Variants in MAPK12 observed in about 807,000 individuals in gnomAD.
The protein encoded by MAPK12 is mitogen-activated protein kinase 12.
MAPK12 carries 49 observed loss-of-function variants against 49.1 expected under a neutral mutation model. The ratio of observed to expected loss-of-function variants is 1.00; its 90% CI spans 0.79 to 1.27. The LOEUF (loss-of-function observed/expected upper bound fraction) is 1.27. MAPK12 is among the 50% of genes most tolerant of loss of function. The pLI is 0.00. For missense variants in MAPK12, 554 were observed against 502.4 expected (o/e 1.10, Z -0.98); for synonymous variants, 251 against 209.7 (o/e 1.20, Z -1.70).
chr22:50,261,080 A>C, intron 2 of MAPK12, 87 bp downstream of exon 2: 2 of 1,350,546 alleles, frequency 1.5e-6, no homozygotes, highest in Non-Finnish European at 1.9e-6. Flanking sequence ...GGCTGCCTGG[A>C]GGAGGGGTTG....
intron 2 of MAPK12, 42 bp from the exon 3 acceptor site, chr22:50,258,343 G>A (rs767159268): frequency 1.5e-5 from 23 of 1,560,238 alleles, no homozygotes; most frequent in Admixed American, 6.7e-5. Flanking sequence ...CAGAGGACAC[G>A]GGCTGGGGCA....
At chr22:50,261,046 C>G in intron 2 of MAPK12, 121 bp downstream of exon 2, 1 of 1,192,688 alleles carries the variant, frequency 8.4e-7, no homozygotes, top group Non-Finnish European at 1.1e-6. Context: ...ACCCACGGCC[C>G]GACCCCCGCC....
Position 50,256,663 on chromosome 22 carries a change from G to A in MAPK12, c.457-17C>T, listed in dbSNP as rs1350602364. On this transcript the variant is annotated splice_polypyrimidine_tract_variant and intron_variant, in intron 5 of 11. Coordinates refer to ENST00000215659, the MANE Select transcript of MAPK12 (RefSeq NM_002969.6). Reference sequence around the variant, plus strand: ...CTTCAGGTCCTGGGGGCAGAGGAAAGGTGGCCACTGTGCCCCACCCTCCCA... The same window carrying A: ...CTTCAGGTCCTGGGGGCAGAGGAAAAGTGGCCACTGTGCCCCACCCTCCCA... 6.2e-7 allele frequency: 1 copy of A among 1,604,680 alleles called. No homozygotes were observed. Among genetic ancestry groups the A allele is most frequent in the Non-Finnish European group, 8.5e-7 (1 of 1,176,004 alleles).
At position 50,256,277 on chromosome 22, in the gene MAPK12, G is replaced by A. The variant is rs534825992; in HGVS notation, c.505-78C>T. 70 of 1,134,900 alleles carry A rather than the reference G, an allele frequency of 6.2e-5. No individual in the cohort carries two copies. In the East Asian group the frequency reaches 9.5e-4, roughly 15 times the overall value. The allele number at this position is 1,134,900 out of a possible 1,614,324, so 70.3% of individuals were successfully genotyped here. A position where few individuals can be genotyped will look rare whatever the true frequency, so the allele number is the denominator to read the frequency against. On this transcript the variant is annotated intron_variant, in intron 6 of 11. Transcript: ENST00000215659. ...GGCCACCCACGGTCCAGGAGACCCCGGGGGGTTGGACTTGAAGCTCCCAAG... is the reference window on the plus strand; with the variant it reads ...GGCCACCCACGGTCCAGGAGACCCCAGGGGGTTGGACTTGAAGCTCCCAAG...
At chr22:50,253,502 G>GGGGGGGGGGGGGGGGGA in intron 11 of MAPK12, 22 bp from the exon 12 acceptor site, 3 of 171,686 alleles carry the variant, frequency 1.7e-5, no homozygotes, top group Non-Finnish European at 2.3e-5. Context: ...GGGGGGGCGG[G>GGGGGGGGGGGGGGGGGA]CACAACAGAG....
intron 2 of MAPK12, 124 bp downstream of exon 2, chr22:50,261,043 G>A (rs1427413224): frequency 1.7e-6 from 2 of 1,171,810 alleles, no homozygotes; most frequent in Non-Finnish European, 2.2e-6. Flanking sequence ...GGGACCCACG[G>A]CCCGACCCCC....
chr22:50,253,502 G>GGGGGGGGGGGCGC, intron 11 of MAPK12, 22 bp from the exon 12 acceptor site: 1 of 171,686 alleles, frequency 5.8e-6, no homozygotes, highest in Non-Finnish European at 1.1e-5. Flanking sequence ...GGGGGGGCGG[G>GGGGGGGGGGGCGC]CACAACAGAG....
chr22:50,261,113 G>A (rs867299338), intron 2 of MAPK12, 54 bp downstream of exon 2: 3 of 1,496,874 alleles, frequency 2.0e-6, no homozygotes, highest in African/African-American at 2.9e-5. Flanking sequence ...ACCCAGCCCA[G>A]CTGAACCAAG....
rs1406866295 is a variant in MAPK12 at position 50,261,427 on chromosome 22, C to G, written c.83G>C (p.Arg28Pro). 2.4e-6 allele frequency: 3 copies of G among 1,262,192 alleles called. No individual in the cohort carries two copies. Among genetic ancestry groups the G allele is most frequent in the Admixed American group, 2.6e-5 (1 of 37,998 alleles). 78.2% of individuals were successfully genotyped at this position (1,262,192 alleles called of 1,614,324 possible). The change falls in exon 1 of 12, where the codon CGG becomes CCG. Residue 28 changes from arginine (R) to proline (P), a missense_variant. Arg to Pro is a moderately radical substitution (Grantham distance 103, BLOSUM62 -2). Coordinates refer to ENST00000215659, the MANE Select transcript of MAPK12 (RefSeq NM_002969.6). ...KTAWEVRAVY[R>P]DLQPVGSGAY... ...GCCCGAGCCCACGGGCTGCAGGTCC[C>G]GGTACACGGCGCGCACCTCCCAGGC...
chr22:50,260,927 C>CTGAGT (rs2065205721), intron 2 of MAPK12: 14 of 392,778 alleles, frequency 3.6e-5, no homozygotes, highest in Non-Finnish European at 6.4e-5. Flanking sequence ...GGCTGAGGCG[C>CTGAGT]CGAGTCAAGG....
intron 2 of MAPK12, 133 bp downstream of exon 2, chr22:50,261,034 G>A: frequency 9.4e-7 from 1 of 1,064,206 alleles, no homozygotes; most frequent in Non-Finnish European, 1.3e-6. Flanking sequence ...TCTCCCCTGG[G>A]GACCCACGGC....
chr22:50,253,571 C>A, intron 11 of MAPK12, 91 bp from the exon 12 acceptor site: 1 of 708,810 alleles, frequency 1.4e-6, no homozygotes, highest in Non-Finnish European at 2.6e-6. Context: ...CCTGGCGGTG[C>A]CTCGTGGGGC....
chr22:50,254,776 G>A (rs1466608220), intron 11 of MAPK12: 11 of 1,124,796 alleles, frequency 9.8e-6, no homozygotes, highest in South Asian at 2.2e-5. Flanking sequence ...TGGACATGGC[G>A]GAAGGGCAGC....
At position 50,261,579 on chromosome 22, in the gene MAPK12, C is replaced by G; in HGVS notation, c.-70G>C. On this transcript the variant is annotated 5_prime_UTR_variant, in exon 1 of 12. Transcript: ENST00000215659. ...CCCCCACGACCGGGGACGGGGCTCC[C>G]TCGGCGCGCGCCTCGGGCCGGCTCC... 10 of 1,021,794 alleles carry G rather than the reference C, an allele frequency of 9.8e-6. No individual in the cohort carries two copies. Among genetic ancestry groups the G allele is most frequent in the Non-Finnish European group, 1.2e-5 (10 of 855,472 alleles). The allele number at this position is 1,021,794 out of a possible 1,614,324, so 63.3% of individuals were successfully genotyped here.
chr22:50,253,502 G>GGGAGGA, intron 11 of MAPK12, 22 bp from the exon 12 acceptor site: 3 of 171,686 alleles, frequency 1.7e-5, no homozygotes, highest in East Asian at 1.5e-4. Context: ...GGGGGGGCGG[G>GGGAGGA]CACAACAGAG....
At chr22:50,256,854 C>T (rs1013853685) in intron 5 of MAPK12, 81 bp downstream of exon 5, 2 of 1,563,394 alleles carry the variant, frequency 1.3e-6, no homozygotes, top group East Asian at 4.6e-5. Context: ...CAGACCCCAT[C>T]ACATCCTCAC....
intron 5 of MAPK12, 44 bp from the exon 6 acceptor site, chr22:50,256,690 G>A (rs755803562): frequency 3.8e-6 from 6 of 1,585,886 alleles, no homozygotes; most frequent in South Asian, 1.1e-5. Context: ...ACCCTCCCAA[G>A]CATGGGCACA....
At chr22:50,260,026 T>C (rs1046567156) in intron 2 of MAPK12, among the ~76,000 whole-genome samples, 1 of 7,424 alleles carries the variant, frequency 1.3e-4, no homozygotes. Flanking sequence ...GGGCGGGTGG[T>C]GGGGGGGTGC....
At chr22:50,258,095 G>A (rs1219387084) in intron 3 of MAPK12, 148 bp downstream of exon 3, 2 of 752,766 alleles carry the variant, frequency 2.7e-6, no homozygotes, top group Admixed American at 3.9e-5. Context: ...GCGTGGGGTG[G>A]ACAGTGGTAT....
Sources: gnomAD v4.1 joint callset for allele counts (sites outside exome capture counted in the v4.1 genomes callset) on GRCh38, gnomAD v4.1.1 for gene constraint, MANE v1.5 for transcripts, NCBI Gene and HGNC (gene_info 2026-07-23, HGNC 2026-07-21) for gene names.